Variants in QTMAN observed in about 807,000 individuals in gnomAD.
QTMAN encodes tRNA-queuosine alpha-mannosyltransferase.
the QTMAN span, among the ~76,000 whole-genome samples, chr2:144,081,267 G>A: frequency 6.6e-6 from 1 of 152,032 alleles, no homozygotes; most frequent in African/African-American, 2.4e-5. Context: ...GGTAAGGCGT[G>A]GGAAGGGGGA....
At chr2:144,257,433 G>T in the QTMAN span, among the ~76,000 whole-genome samples, 1 of 151,954 alleles carries the variant, frequency 6.6e-6, no homozygotes. Flanking sequence ...CATTCTTATT[G>T]TCAATGACCT....
chr2:144,202,511 T>C, the QTMAN span, among the ~76,000 whole-genome samples: 2 of 152,214 alleles, frequency 1.3e-5, no homozygotes. Context: ...ATAGTCTCAA[T>C]CATTATGTTA....
chr2:144,105,530 G>T, the QTMAN span, among the ~76,000 whole-genome samples: 1 of 152,162 alleles, frequency 6.6e-6, no homozygotes, highest in African/African-American at 2.4e-5. Context: ...TGAATGAAAT[G>T]AAGAGAGAAG....
At chr2:144,089,533 A>G in the QTMAN span, among the ~76,000 whole-genome samples, 1 of 151,994 alleles carries the variant, frequency 6.6e-6, no homozygotes, top group Non-Finnish European at 1.5e-5. Flanking sequence ...AAAGATACGG[A>G]GTCAACTTAA....
chr2:144,133,371 T>TATA, the QTMAN span, among the ~76,000 whole-genome samples: 1 of 39,420 alleles, frequency 2.5e-5, no homozygotes, highest in African/African-American at 8.4e-5. Flanking sequence ...TAATATAATA[T>TATA]ATAATAATAA....
At chr2:144,059,856 A>C in the QTMAN span, among the ~76,000 whole-genome samples, 1 of 152,154 alleles carries the variant, frequency 6.6e-6, no homozygotes, top group Non-Finnish European at 1.5e-5. Flanking sequence ...TGTTAGCCAA[A>C]ATTTCATCTC....
the QTMAN span, among the ~76,000 whole-genome samples, chr2:144,287,900 G>T: frequency 6.6e-6 from 1 of 151,916 alleles, no homozygotes; most frequent in East Asian, 1.9e-4. Context: ...CTGTCGCCAG[G>T]CTGGAGTGCA....
chr2:144,222,056 C>CA, the QTMAN span, among the ~76,000 whole-genome samples: 294 of 151,776 alleles, frequency 1.9e-3, 1 homozygote, highest in African/African-American at 6.6e-3. Context: ...AATATAAACT[C>CA]AAAGTTTTTT....
At chr2:144,228,730 A>C in the QTMAN span, among the ~76,000 whole-genome samples, 4 of 152,162 alleles carry the variant, frequency 2.6e-5, no homozygotes, top group African/African-American at 9.6e-5. Flanking sequence ...AGGCTGAGGC[A>C]GGCGGATCAC....
chr2:144,125,211 A>T, the QTMAN span, among the ~76,000 whole-genome samples: 2 of 152,056 alleles, frequency 1.3e-5, no homozygotes, highest in Non-Finnish European at 2.9e-5. Flanking sequence ...AGTTAGTATG[A>T]ACATGTGAGT....
At chr2:144,048,774 C>T in the QTMAN span, among the ~76,000 whole-genome samples, 23 of 151,952 alleles carry the variant, frequency 1.5e-4, no homozygotes, top group Non-Finnish European at 5.9e-5. Context: ...CCCCCACCAA[C>T]CCTGCTCCCC....
At chr2:144,103,047 C>A in the QTMAN span, among the ~76,000 whole-genome samples, 1 of 152,134 alleles carries the variant, frequency 6.6e-6, no homozygotes, top group Non-Finnish European at 1.5e-5. Flanking sequence ...GGAAGAAAAT[C>A]TGAAAACCAG....
At chr2:143,969,772 G>C in the QTMAN span, among the ~76,000 whole-genome samples, 4 of 152,176 alleles carry the variant, frequency 2.6e-5, no homozygotes, top group Non-Finnish European at 5.9e-5. Flanking sequence ...GAAAAGGTCA[G>C]TATCCACAGC....
the QTMAN span, among the ~76,000 whole-genome samples, chr2:143,984,264 T>C: frequency 6.6e-6 from 1 of 152,174 alleles, no homozygotes; most frequent in South Asian, 2.1e-4. Context: ...ACATCATCTT[T>C]CAGAACACTA....
At chr2:144,008,060 T>C in the QTMAN span, among the ~76,000 whole-genome samples, 3 of 152,158 alleles carry the variant, frequency 2.0e-5, no homozygotes, top group Non-Finnish European at 4.4e-5. Context: ...TTTATTATCA[T>C]TTCTCTCCTA....
the QTMAN span, among the ~76,000 whole-genome samples, chr2:144,180,065 C>T: frequency 6.6e-6 from 1 of 152,116 alleles, no homozygotes; most frequent in Non-Finnish European, 1.5e-5. Context: ...AGGAACATTA[C>T]TCAGTAGATG....
At chr2:144,177,568 T>G in the QTMAN span, among the ~76,000 whole-genome samples, 1 of 152,178 alleles carries the variant, frequency 6.6e-6, no homozygotes, top group Non-Finnish European at 1.5e-5. Flanking sequence ...AACTGAGTTG[T>G]TGAGTCAACT....
chr2:144,133,537 A>T, the QTMAN span, among the ~76,000 whole-genome samples: 1 of 100,070 alleles, frequency 1.0e-5, no homozygotes, highest in Non-Finnish European at 1.9e-5. Context: ...AATATATATA[A>T]AGATATAAAG....
At chr2:143,972,423 A>G in the QTMAN span, among the ~76,000 whole-genome samples, 3 of 152,024 alleles carry the variant, frequency 2.0e-5, no homozygotes, top group Non-Finnish European at 2.9e-5. Flanking sequence ...AAGAGATCTT[A>G]TATTTTAAAT....
Sources: allele counts gnomAD v4.1 joint callset (sites outside exome capture counted in the v4.1 genomes callset), GRCh38; gene constraint gnomAD v4.1.1; transcripts MANE v1.5; gene names NCBI Gene and HGNC (gene_info 2026-07-23, HGNC 2026-07-21).